The following ZFAND4 variants were observed in gnomAD, a reference collection of about 807,000 sequenced individuals.
The protein encoded by ZFAND4 is zinc finger AN1-type containing 4.
In ZFAND4, 43 loss-of-function variants were observed where a neutral mutation model predicts 64.4. That is an observed-to-expected ratio of 0.67 (90% CI 0.52 to 0.86). The LOEUF (loss-of-function observed/expected upper bound fraction) is 0.86. Among genes scored for constraint, ZFAND4 ranks in the 40% least tolerant of loss-of-function variants. The probability of loss-of-function intolerance (pLI) is 0.00; values close to 1 mark genes in which losing one functional copy is unlikely to be tolerated. For synonymous variants in ZFAND4, 296 were observed against 305.7 expected (o/e 0.97, Z 0.33); for missense variants, 929 against 859.8 (o/e 1.08, Z -1.01).
rs187057538 is a variant in ZFAND4, at chr10:45,638,518, C to T, written c.717+1298G>A. ...AACAAAAAACAAAAAAACAAAAAAA[C>T]CAAAAAATGCTTGGCAAAATTGTCT... On this transcript the variant is annotated intron_variant, in intron 6 of 9. Transcript: ENST00000344646. 7.0e-3 allele frequency among the ~76,000 whole-genome samples: 1,060 copies of T among 151,256 alleles called. 5 individuals are homozygous for T. The highest frequency in any genetic ancestry group is 0.011 in the Non-Finnish European group (748 of 67,768).
intron 2 of ZFAND4, among the ~76,000 whole-genome samples, chr10:45,655,246 G>A (rs1458114603): frequency 6.6e-6 from 1 of 152,184 alleles, no homozygotes; most frequent in Non-Finnish European, 1.5e-5. Context: ...ATCTGCTCCT[G>A]AATGATTTTT....
At chr10:45,648,831 G>A (rs2047568311) in intron 4 of ZFAND4, 1 of 659,298 alleles carries the variant, frequency 1.5e-6, no homozygotes, top group East Asian at 1.4e-4. Context: ...TTTTCCCTAT[G>A]TCACTAGAGT....
chr10:45,646,895 T>C lies in ZFAND4; in HGVS notation c.569+1399A>G, dbSNP rs117275311. Among the ~76,000 whole-genome samples, 569 of 152,330 alleles carry C rather than the reference T, an allele frequency of 3.7e-3. 13 individuals carry two copies. The East Asian group carries it at 0.051, about 14-fold the overall frequency. ...AGGGTTTATGCCAAGTTTGAAGTGC[T>C]AACCAGATGCTGACATGTTAAAGTC... On this transcript the variant is annotated intron_variant, in intron 5 of 9. Transcript: ENST00000344646.
chr10:45,642,566 C>T (rs1411841171), intron 5 of ZFAND4, among the ~76,000 whole-genome samples: 1 of 149,778 alleles, frequency 6.7e-6, no homozygotes, highest in African/African-American at 2.5e-5. Flanking sequence ...CGAGATCACA[C>T]CAGTGCACTC....
chr10:45,662,908 C>A (rs1291816984), intron 2 of ZFAND4, among the ~76,000 whole-genome samples: 1 of 152,028 alleles, frequency 6.6e-6, no homozygotes, highest in East Asian at 1.9e-4. Context: ...GGATTTTTAA[C>A]AACTATAAAT....
At chr10:45,647,051 G>A (rs940144179) in intron 5 of ZFAND4, among the ~76,000 whole-genome samples, 5 of 152,182 alleles carry the variant, frequency 3.3e-5, no homozygotes, top group African/African-American at 4.8e-5. Context: ...GACCCTTGGT[G>A]TTCACATCAC....
In ZFAND4 at chr10:45,618,140, CT is replaced by C. The variant is rs1212865522; in HGVS notation, c.2047del (p.Arg683AspfsTer68). Reference sequence around the variant, plus strand: ...GAGCTTCTCCAGCTCGCCAACCTGCCTGCATTCGTAGCTACTAGCCAGTCCT... The same window carrying C: ...GAGCTTCTCCAGCTCGCCAACCTGCCGCATTCGTAGCTACTAGCCAGTCCT... Reference protein sequence around the residue: ...KTGLASSYECRCGNNFCASHR... With the variant: ...KTGLASSYECXCGNNFCASHR... On this transcript the variant is annotated frameshift_variant and splice_region_variant, in exon 9 of 10. Coordinates refer to ENST00000344646, the MANE Select transcript of ZFAND4 (RefSeq NM_174890.4). LOFTEE classifies it high-confidence loss of function. 1 of 1,606,550 alleles carries C rather than the reference CT, an allele frequency of 6.2e-7. No individual in the cohort carries two copies. Among genetic ancestry groups the C allele is most frequent in the Non-Finnish European group, 8.5e-7 (1 of 1,178,064 alleles).
intron 6 of ZFAND4, among the ~76,000 whole-genome samples, chr10:45,637,830 A>G (rs1272835937): frequency 6.6e-6 from 1 of 152,190 alleles, no homozygotes; most frequent in Non-Finnish European, 1.5e-5. Context: ...AAAGAATAAG[A>G]AAGTAAAAGA....
rs1186438486 is a variant in ZFAND4 at position 45,615,566 on chromosome 10, A to T, written c.*870T>A. The T allele has an allele frequency of 6.6e-6, 1 of 151,974 alleles. No homozygotes were observed. The highest frequency in any genetic ancestry group is 1.5e-5 in the Non-Finnish European group (1 of 67,982). 9.4% of individuals were successfully genotyped at this position (151,974 alleles called of 1,614,324 possible). A position where few individuals can be genotyped will look rare whatever the true frequency, so the allele number is the denominator to read the frequency against. On this transcript the variant is annotated 3_prime_UTR_variant, in exon 10 of 10. Transcript: ENST00000344646. ...AAAAGAAAAATTATTTATAAAAGAA[A>T]AACTATTATAAATAAATAATGAAAT...
intron 2 of ZFAND4, among the ~76,000 whole-genome samples, chr10:45,656,293 C>G (rs2048097454): frequency 6.7e-6 from 1 of 149,306 alleles, no homozygotes; most frequent in East Asian, 2.0e-4. Context: ...TGAAACTATT[C>G]CAAAAGATTG....
intron 2 of ZFAND4, among the ~76,000 whole-genome samples, chr10:45,662,833 G>T (rs567254582): frequency 8.5e-5 from 13 of 152,110 alleles, no homozygotes; most frequent in Non-Finnish European, 1.5e-4. Flanking sequence ...GCAAGTTCCA[G>T]CTGGTTCCAT....
At position 45,616,008 on chromosome 10, in the gene ZFAND4, G is replaced by A. The variant is rs1041195222; in HGVS notation, c.*428C>T. The A allele has an allele frequency of 6.6e-6, 1 of 152,660 alleles. No individual in the cohort carries two copies. Among genetic ancestry groups the A allele is most frequent in the Admixed American group, 6.6e-5 (1 of 15,234 alleles). The allele number at this position is 152,660 out of a possible 1,614,324, so 9.5% of individuals were successfully genotyped here. On this transcript the variant is annotated 3_prime_UTR_variant, in exon 10 of 10. Transcript: ENST00000344646. ...ACCTCTGAAAAAAAAAGAAGGAGAA[G>A]AATAAAAGAAAGAAAAAGAAAAAAC...
rs1206380489 is a variant in ZFAND4, at chr10:45,618,131, C to A, written c.2048+9G>T. 6.2e-7 allele frequency: 1 copy of A among 1,603,618 alleles called. No individual in the cohort carries two copies. The highest frequency in any genetic ancestry group is 1.1e-5 in the South Asian group (1 of 88,428). On this transcript the variant is annotated intron_variant, in intron 9 of 9. Transcript: ENST00000344646. The stretch of plus-strand genomic sequence containing the variant: ...AAAGCATCTGAGCTTCTCCAGCTCG[C>A]CAACCTGCCTGCATTCGTAGCTACT...
At chr10:45,669,784 T>A (rs1306706133) in intron 1 of ZFAND4, among the ~76,000 whole-genome samples, 1 of 152,164 alleles carries the variant, frequency 6.6e-6, no homozygotes, top group Non-Finnish European at 1.5e-5. Context: ...AAAAACCACA[T>A]GATTATCTTA....
rs189000592 is a variant in ZFAND4 at position 45,664,045 on chromosome 10, G to A, written c.-117-203C>T. ...TAGACCATAAGATTATTAAGAATAC[G>A]CATATTTTTGATATTATAATGTATC... On this transcript the variant is annotated intron_variant, in intron 1 of 9. Transcript: ENST00000344646. Among the ~76,000 whole-genome samples the A allele has an allele frequency of 2.3e-3, 355 of 152,024 alleles. 2 individuals are homozygous for A. Among genetic ancestry groups the A allele is most frequent in the African/African-American group, 8.1e-3 (337 of 41,476 alleles).
rs1178841295 is a variant in ZFAND4 at position 45,672,684 on chromosome 10, G to A, written c.-552C>T. 2 of 152,154 alleles carry A rather than the reference G, an allele frequency of 1.3e-5. No individual in the cohort carries two copies. Among genetic ancestry groups the A allele is most frequent in the East Asian group, 1.9e-4 (1 of 5,194 alleles). 9.4% of individuals were successfully genotyped at this position (152,154 alleles called of 1,614,324 possible). A position where few individuals can be genotyped will look rare whatever the true frequency, so the allele number is the denominator to read the frequency against. ...GCTCGCTAGCTCAGCCTCACCCGCAGTCTTGTCCGCTGGCTCGCTCGCCCG... is the reference window on the plus strand; with the variant it reads ...GCTCGCTAGCTCAGCCTCACCCGCAATCTTGTCCGCTGGCTCGCTCGCCCG... On this transcript the variant is annotated 5_prime_UTR_variant, in exon 1 of 10. Transcript: ENST00000344646.
At chr10:45,636,793 T>C (rs1378694835) in intron 6 of ZFAND4, among the ~76,000 whole-genome samples, 2 of 152,180 alleles carry the variant, frequency 1.3e-5, no homozygotes, top group Non-Finnish European at 2.9e-5. Flanking sequence ...ATTAGTGTTG[T>C]TCAAGTCTCC....
intron 5 of ZFAND4, among the ~76,000 whole-genome samples, chr10:45,643,396 C>A (rs576027574): frequency 6.6e-6 from 1 of 151,848 alleles, no homozygotes; most frequent in African/African-American, 2.4e-5. Flanking sequence ...CCAGGCCGGG[C>A]ACAGTGGCTC....
chr10:45,628,614 T>A (rs1210321607), intron 6 of ZFAND4, among the ~76,000 whole-genome samples: 2 of 152,172 alleles, frequency 1.3e-5, no homozygotes, highest in African/African-American at 2.4e-5. Flanking sequence ...TGGCCCAATC[T>A]GTAATTCTTT....
Sources: allele counts gnomAD v4.1 joint callset (sites outside exome capture counted in the v4.1 genomes callset), GRCh38; gene constraint gnomAD v4.1.1; transcripts MANE v1.5; gene names NCBI Gene and HGNC (gene_info 2026-07-23, HGNC 2026-07-21).